The following NPEPPS variants were observed in gnomAD, a reference collection of about 807,000 sequenced individuals.
NPEPPS encodes aminopeptidase puromycin sensitive, also known as puromycin-sensitive aminopeptidase.
Under a neutral mutation model 115.5 loss-of-function variants are expected in NPEPPS, and 14 were observed. The observed-to-expected ratio is 0.12, with a 90% CI of 0.08 to 0.19. The LOEUF (loss-of-function observed/expected upper bound fraction) is 0.19. Among genes scored for constraint, NPEPPS ranks in the 10% least tolerant of loss-of-function variants. The pLI is 1.00. For missense variants in NPEPPS, 523 were observed against 1,110.8 expected, an observed-to-expected ratio of 0.47 and a Z score of 7.52; for synonymous variants, 285 against 390.6, an observed-to-expected ratio of 0.73 and a Z score of 3.19.
intron 1 of NPEPPS, among the ~76,000 whole-genome samples, chr17:47,545,165 C>T (rs902442401): frequency 2.0e-5 from 3 of 152,080 alleles, no homozygotes; most frequent in African/African-American, 7.2e-5. Context: ...CCATCACACC[C>T]ACCTAATTAA....
chr17:47,620,598 G>GA (rs1200200983), intron 22 of NPEPPS, among the ~76,000 whole-genome samples: 1 of 152,188 alleles, frequency 6.6e-6, no homozygotes, highest in East Asian at 1.9e-4. Context: ...CGATGGAATG[G>GA]AAAAAGACTT....
chr17:47,609,538 G>T (rs931342582), intron 17 of NPEPPS, among the ~76,000 whole-genome samples: 3 of 152,190 alleles, frequency 2.0e-5, no homozygotes, highest in African/African-American at 7.2e-5. Context: ...TCACAACAAT[G>T]TGTAGTTATC....
Position 47,561,708 on chromosome 17 carries a change from A to C in NPEPPS, c.341-7709A>C, listed in dbSNP as rs73985169. On this transcript the variant is annotated intron_variant, in intron 2 of 22. Coordinates refer to ENST00000322157, the MANE Select transcript of NPEPPS (RefSeq NM_006310.4). ...CCATAGAAACTAAAAATATACTCTA[A>C]TCATCCCCCAACATTCTGTCTTGGA... 7.9e-3 allele frequency among the ~76,000 whole-genome samples: 1,210 copies of C among 152,248 alleles called. 15 individuals carry two copies. Among genetic ancestry groups the C allele is most frequent in the African/African-American group, 0.028 (1,156 of 41,546 alleles).
chr17:47,598,129 C>A (rs1332909998), intron 13 of NPEPPS, among the ~76,000 whole-genome samples: 1 of 152,100 alleles, frequency 6.6e-6, no homozygotes, highest in Admixed American at 6.6e-5. Flanking sequence ...TATTAACATA[C>A]AAAAATTATT....
chr17:47,536,708 T>C, intron 1 of NPEPPS, among the ~76,000 whole-genome samples: 1 of 59,122 alleles, frequency 1.7e-5, no homozygotes, highest in East Asian at 5.8e-4. Context: ...TGGCTTCTTT[T>C]TTTTTTTTTT....
intron 4 of NPEPPS, chr17:47,579,855 G>A (rs1911757646): frequency 1.1e-5 from 2 of 178,988 alleles, no homozygotes; most frequent in Non-Finnish European, 2.4e-5. Context: ...CTGTTTTCTG[G>A]AATTCCTTTC....
intron 2 of NPEPPS, among the ~76,000 whole-genome samples, chr17:47,566,017 A>C (rs1910788826): frequency 6.6e-6 from 1 of 152,146 alleles, no homozygotes; most frequent in African/African-American, 2.4e-5. Context: ...TTTTCGAGAC[A>C]GGGTCTCACT....
At chr17:47,608,066 T>G (rs1330524581) in intron 17 of NPEPPS, among the ~76,000 whole-genome samples, 1 of 151,934 alleles carries the variant, frequency 6.6e-6, no homozygotes, top group Non-Finnish European at 1.5e-5. Flanking sequence ...GGTCTTGAAC[T>G]CCTGGACTCC....
intron 2 of NPEPPS, among the ~76,000 whole-genome samples, chr17:47,560,054 A>G (rs1382851225): frequency 1.3e-5 from 2 of 152,150 alleles, no homozygotes; most frequent in Non-Finnish European, 2.9e-5. Flanking sequence ...TCCTTATGGA[A>G]TTTCATCCTC....
chr17:47,553,428 T>C (rs563225690), intron 2 of NPEPPS, among the ~76,000 whole-genome samples: 5 of 151,928 alleles, frequency 3.3e-5, no homozygotes, highest in Non-Finnish European at 7.4e-5. Flanking sequence ...TGGTTTTCCC[T>C]GGTATCTGAC....
At chr17:47,590,522 T>C (rs566724739) in intron 9 of NPEPPS, among the ~76,000 whole-genome samples, 195 bp from the exon 10 acceptor site, 2 of 152,096 alleles carry the variant, frequency 1.3e-5, no homozygotes, top group African/African-American at 4.8e-5. Context: ...ATATCACCAG[T>C]TGGCCTTTCT....
intron 2 of NPEPPS, among the ~76,000 whole-genome samples, chr17:47,568,539 C>T (rs1252055217): frequency 6.6e-6 from 1 of 151,770 alleles, no homozygotes. Context: ...TGGTTATTTC[C>T]CTAACATGTC....
At chr17:47,559,817 A>G (rs1408384055) in intron 2 of NPEPPS, 2 of 338,278 alleles carry the variant, frequency 5.9e-6, no homozygotes, top group Non-Finnish European at 1.1e-5. Context: ...ACCTAGATAG[A>G]CTGTGTTACT....
At chr17:47,600,254 C>T (rs1390696676) in intron 14 of NPEPPS, among the ~76,000 whole-genome samples, 1 of 152,062 alleles carries the variant, frequency 6.6e-6, no homozygotes, top group Non-Finnish European at 1.5e-5. Flanking sequence ...GGCAACATGG[C>T]AAAACCTCAT....
intron 1 of NPEPPS, among the ~76,000 whole-genome samples, chr17:47,538,038 C>T (rs561619775): frequency 3.3e-5 from 5 of 150,478 alleles, no homozygotes; most frequent in African/African-American, 1.2e-4. Flanking sequence ...GGATTACAGG[C>T]ATGCACCACC....
chr17:47,619,171 G>A lies in NPEPPS; in HGVS notation c.2559+7G>A, dbSNP rs562974545. 15 of 1,608,662 alleles carry A rather than the reference G, an allele frequency of 9.3e-6. No homozygotes were observed. The highest frequency in any genetic ancestry group is 3.3e-4 in the Middle Eastern group (2 of 6,060). ...AATATCCAGACTAATAAAGGTATGT[G>A]AAAAACTTTGAGTAGCTTGCTAATC... is the stretch of plus-strand genomic sequence containing the variant. On this transcript the variant is annotated splice_region_variant and intron_variant, in intron 21 of 22. Coordinates refer to ENST00000322157, the MANE Select transcript of NPEPPS (RefSeq NM_006310.4).
intron 2 of NPEPPS, among the ~76,000 whole-genome samples, chr17:47,560,519 G>A (rs1294506245): frequency 6.6e-6 from 1 of 152,180 alleles, no homozygotes; most frequent in Non-Finnish European, 1.5e-5. Context: ...TGCTTGAACT[G>A]TAACTATGCA....
intron 1 of NPEPPS, among the ~76,000 whole-genome samples, chr17:47,544,056 G>A (rs1317798267): frequency 3.9e-5 from 6 of 151,988 alleles, no homozygotes; most frequent in African/African-American, 1.5e-4. Flanking sequence ...CACCATGCCC[G>A]GCTCATTTTT....
At chr17:47,585,069 C>T (rs1329605325) in intron 5 of NPEPPS, among the ~76,000 whole-genome samples, 11 of 152,146 alleles carry the variant, frequency 7.2e-5, no homozygotes, top group Non-Finnish European at 1.5e-4. Flanking sequence ...CCTTGTGATT[C>T]GCCTGCCTAA....
Sources: allele counts gnomAD v4.1 joint callset (sites outside exome capture counted in the v4.1 genomes callset), GRCh38; gene constraint gnomAD v4.1.1; transcripts MANE v1.5; gene names NCBI Gene and HGNC (gene_info 2026-07-23, HGNC 2026-07-21).